Variants in ABCC4 observed in about 807,000 individuals in gnomAD.
The protein encoded by ABCC4 is ATP-binding cassette sub-family C member 4.
A neutral mutation model predicts 168.5 loss-of-function variants in ABCC4; 102 were observed. The ratio of observed to expected loss-of-function variants is 0.61; its 90% CI spans 0.52 to 0.71. ABCC4 has a LOEUF of 0.71. Among genes scored for constraint, ABCC4 ranks in the 30% least tolerant of loss-of-function variants. The pLI, the probability that ABCC4 is intolerant of heterozygous loss-of-function variation, is 0.00. For missense variants in ABCC4, 1,402 were observed against 1,605.8 expected (o/e 0.87, Z 2.17); for synonymous variants, 617 against 590.7 (o/e 1.04, Z -0.65).
chr13:95,048,681 T>C (rs10219913), intron 27 of ABCC4, among the ~76,000 whole-genome samples: 24,329 of 152,204 alleles, frequency 0.16, 2,246 homozygotes, highest in African/African-American at 0.25. Flanking sequence ...TATGGTGTCC[T>C]GAATACAAGA....
In ABCC4 at chr13:95,244,661, G is replaced by GAAATAAAT. The variant is rs148848336; in HGVS notation, c.306+2313_306+2314insATTTATTT. Among the ~76,000 whole-genome samples, 6 of 18,744 alleles carry GAAATAAAT rather than the reference G, an allele frequency of 3.2e-4. 1 individual carries two copies. The highest frequency in any genetic ancestry group is 4.9e-4 in the Admixed American group (1 of 2,034). The allele number at this position is 18,744 out of a possible 152,430, so 12.3% of individuals were successfully genotyped here. On this transcript the variant is annotated intron_variant, in intron 3 of 30. Coordinates refer to ENST00000645237, the MANE Select transcript of ABCC4 (RefSeq NM_005845.5). ...AGAAAGAAAGAAAGAAAGAAAGAAA[G>GAAATAAAT]AAAGAAAGAAATCATAGCAGTTCCT...
At chr13:95,287,269 G>A (rs1386521580) in intron 1 of ABCC4, among the ~76,000 whole-genome samples, 1 of 151,088 alleles carries the variant, frequency 6.6e-6, no homozygotes, top group Non-Finnish European at 1.5e-5. Context: ...TCCAGCCTGG[G>A]CAACAGAGCA....
At chr13:95,028,535 C>T (rs2031657439) in intron 30 of ABCC4, among the ~76,000 whole-genome samples, 4 of 151,852 alleles carry the variant, frequency 2.6e-5, no homozygotes, top group Non-Finnish European at 4.4e-5. Flanking sequence ...AAATTAAAAT[C>T]CAAAATTGCA....
At chr13:95,213,954 C>T (rs753190563) in intron 4 of ABCC4, among the ~76,000 whole-genome samples, 4 of 151,480 alleles carry the variant, frequency 2.6e-5, no homozygotes, top group Non-Finnish European at 5.9e-5. Flanking sequence ...GAAATGGCAA[C>T]AGAAATAGAC....
At chr13:95,023,317 G>A (rs1187109197) in intron 30 of ABCC4, among the ~76,000 whole-genome samples, 1 of 152,124 alleles carries the variant, frequency 6.6e-6, no homozygotes, top group Admixed American at 6.5e-5. Context: ...AACTTCCTGT[G>A]TATATATTCT....
chr13:95,293,477 G>GT (rs941033043), intron 1 of ABCC4, among the ~76,000 whole-genome samples: 3 of 151,476 alleles, frequency 2.0e-5, no homozygotes, highest in Non-Finnish European at 2.9e-5. Flanking sequence ...CACGGACTAT[G>GT]TTTTTTTGAG....
At chr13:95,102,869 C>T (rs1167690629) in intron 20 of ABCC4, among the ~76,000 whole-genome samples, 1 of 151,512 alleles carries the variant, frequency 6.6e-6, no homozygotes, top group African/African-American at 2.4e-5. Context: ...GATCCACCCA[C>T]CTTGGCCTCC....
Position 95,207,641 on chromosome 13 carries a change from C to T in ABCC4, c.911+159G>A, listed in dbSNP as rs941804811. The stretch of plus-strand genomic sequence containing the variant: ...TGGAAGACCAAGTGAAAATAACGTT[C>T]TCTACCATTCTACTTAACCCAACTG... On this transcript the variant is annotated intron_variant, in intron 7 of 30. Transcript: ENST00000645237. 3.0e-4 allele frequency among the ~76,000 whole-genome samples: 46 copies of T among 152,180 alleles called. 1 individual carries two copies. The highest frequency in any genetic ancestry group is 5.9e-5 in the Non-Finnish European group (4 of 68,034).
intron 25 of ABCC4, among the ~76,000 whole-genome samples, chr13:95,067,139 G>A (rs1412963322): frequency 1.3e-5 from 2 of 152,144 alleles, no homozygotes; most frequent in African/African-American, 4.8e-5. Context: ...AGTAGTGAAC[G>A]GAACTCAAAT....
chr13:95,270,356 AAG>A (rs2040816837), intron 1 of ABCC4, among the ~76,000 whole-genome samples: 1 of 125,740 alleles, frequency 8.0e-6, no homozygotes, highest in African/African-American at 3.8e-5. Context: ...AAAAAAAAAA[AAG>A]AAAGAAAAGA....
At chr13:95,217,032 G>A (rs894094566) in intron 4 of ABCC4, among the ~76,000 whole-genome samples, 3 of 152,086 alleles carry the variant, frequency 2.0e-5, no homozygotes, top group East Asian at 1.9e-4. Context: ...TCTAGAATCC[G>A]CATGCCATTA....
At chr13:95,273,313 G>A (rs976658557) in intron 1 of ABCC4, among the ~76,000 whole-genome samples, 3 of 152,146 alleles carry the variant, frequency 2.0e-5, no homozygotes, top group East Asian at 1.9e-4. Context: ...GTTCAGGTGC[G>A]AGTGTGTTTT....
intron 20 of ABCC4, among the ~76,000 whole-genome samples, chr13:95,108,195 G>GA (rs1229044201): frequency 6.6e-6 from 1 of 151,834 alleles, no homozygotes; most frequent in East Asian, 1.9e-4. Flanking sequence ...CAGGGGGTAA[G>GA]AAAAAAAGGC....
At chr13:95,139,214 T>C (rs2036236315) in intron 19 of ABCC4, among the ~76,000 whole-genome samples, 1 of 152,156 alleles carries the variant, frequency 6.6e-6, no homozygotes. Flanking sequence ...GAAACTGGCA[T>C]TTTCTGTATT....
chr13:95,301,320 C>CGGGCG lies in ABCC4; in HGVS notation c.-11_-7dup. The stretch of plus-strand genomic sequence containing the variant: ...TCCTGGTACACGGGCAGCATCTTGC[C>CGGGCG]GGGCGGGGCGGGCGCGGGCCGGGGT... On this transcript the variant is annotated 5_prime_UTR_variant, in exon 1 of 31. Coordinates refer to ENST00000645237, the MANE Select transcript of ABCC4 (RefSeq NM_005845.5). 3 of 1,576,944 alleles carry CGGGCG rather than the reference C, an allele frequency of 1.9e-6. No homozygotes were observed. The highest frequency in any genetic ancestry group is 1.7e-6 in the Non-Finnish European group (2 of 1,162,742).
intron 19 of ABCC4, among the ~76,000 whole-genome samples, chr13:95,132,330 C>T (rs963817657): frequency 1.3e-5 from 2 of 152,140 alleles, no homozygotes; most frequent in Non-Finnish European, 2.9e-5. Context: ...ATTCTCCTGC[C>T]TCAGCCTCTC....
At chr13:95,051,450 C>G (rs764557793) in intron 27 of ABCC4, among the ~76,000 whole-genome samples, 35 of 152,210 alleles carry the variant, frequency 2.3e-4, no homozygotes, top group Admixed American at 1.3e-3. Context: ...CTCACTGCAG[C>G]CTCGACCTCC....
chr13:95,030,308 A>ACC, intron 30 of ABCC4, among the ~76,000 whole-genome samples: 1 of 152,100 alleles, frequency 6.6e-6, no homozygotes, highest in East Asian at 1.9e-4. Context: ...GGTGTGAACC[A>ACC]CCACACCTGG....
intron 20 of ABCC4, among the ~76,000 whole-genome samples, chr13:95,112,176 A>C (rs2035226125): frequency 6.6e-6 from 1 of 152,058 alleles, no homozygotes. Flanking sequence ...AACATGGCAA[A>C]ACCCTGTCTC....
Sources: allele counts gnomAD v4.1 joint callset (sites outside exome capture counted in the v4.1 genomes callset), GRCh38; gene constraint gnomAD v4.1.1; transcripts MANE v1.5; gene names NCBI Gene and HGNC (gene_info 2026-07-23, HGNC 2026-07-21).